NALF1: variants seen among roughly 807,000 people sequenced by gnomAD.
The protein encoded by NALF1 is NALCN channel auxiliary factor 1, also known as family with sequence similarity 155 member A.
Under a neutral mutation model 48.4 loss-of-function variants are expected in NALF1, and 3 were observed. That is an observed-to-expected ratio of 0.06 (90% CI 0.03 to 0.16). The LOEUF is 0.16. NALF1 is among the 10% of genes least tolerant of loss of function. The pLI is 1.00. For missense variants in NALF1, 526 were observed against 571.5 expected (o/e 0.92, Z 0.81); for synonymous variants, 262 against 245.7 (o/e 1.07, Z -0.62).
intron 1 of NALF1, among the ~76,000 whole-genome samples, chr13:107,779,802 C>A (rs1268371837): frequency 6.6e-6 from 1 of 152,134 alleles, no homozygotes; most frequent in Admixed American, 6.5e-5. Context: ...GTTCTAAAAC[C>A]TCAGGAAACA....
intron 2 of NALF1, among the ~76,000 whole-genome samples, chr13:107,201,917 G>A (rs1335450220): frequency 6.6e-6 from 1 of 152,088 alleles, no homozygotes; most frequent in Non-Finnish European, 1.5e-5. Context: ...TTTCGGTGGC[G>A]AGGTCGGCAT....
At chr13:107,710,090 G>T (rs1444550652) in intron 1 of NALF1, among the ~76,000 whole-genome samples, 3 of 150,624 alleles carry the variant, frequency 2.0e-5, no homozygotes, top group African/African-American at 4.9e-5. Context: ...GATCCAGCCT[G>T]GGCAAAAGAG....
At chr13:107,384,123 C>A (rs996969102) in intron 1 of NALF1, among the ~76,000 whole-genome samples, 1 of 152,040 alleles carries the variant, frequency 6.6e-6, no homozygotes, top group Non-Finnish European at 1.5e-5. Flanking sequence ...CATGGTGGCT[C>A]ATGCCTGTGG....
At chr13:107,451,233 T>A (rs1289378660) in intron 1 of NALF1, among the ~76,000 whole-genome samples, 1 of 151,626 alleles carries the variant, frequency 6.6e-6, no homozygotes, top group Non-Finnish European at 1.5e-5. Flanking sequence ...AGATGCCAGA[T>A]AGAAAGACCC....
intron 1 of NALF1, among the ~76,000 whole-genome samples, chr13:107,526,983 C>G (rs1021639119): frequency 1.3e-5 from 2 of 152,108 alleles, no homozygotes; most frequent in African/African-American, 4.8e-5. Context: ...GGCTGAAGAA[C>G]CATGAAGTCT....
chr13:107,189,141 A>C (rs1208831202), intron 2 of NALF1, among the ~76,000 whole-genome samples: 2 of 152,242 alleles, frequency 1.3e-5, no homozygotes, highest in Non-Finnish European at 2.9e-5. Context: ...TTGAGGAATA[A>C]ATTGGGCATT....
At chr13:107,688,076 A>G (rs1881480195) in intron 1 of NALF1, among the ~76,000 whole-genome samples, 1 of 152,260 alleles carries the variant, frequency 6.6e-6, no homozygotes. Context: ...TAATTATAAT[A>G]GTGACTAACA....
chr13:107,428,078 G>C (rs918463734), intron 1 of NALF1, among the ~76,000 whole-genome samples: 1 of 152,178 alleles, frequency 6.6e-6, no homozygotes, highest in Non-Finnish European at 1.5e-5. Context: ...TCTTCGAAAA[G>C]AGGGAGGATG....
At chr13:107,503,710 C>T (rs1273934752) in intron 1 of NALF1, among the ~76,000 whole-genome samples, 2 of 149,404 alleles carry the variant, frequency 1.3e-5, no homozygotes, top group African/African-American at 4.9e-5. Flanking sequence ...AATGTCCATC[C>T]GTGGGCAAAT....
intron 1 of NALF1, among the ~76,000 whole-genome samples, chr13:107,295,738 T>C (rs1300434404): frequency 1.3e-5 from 2 of 152,220 alleles, no homozygotes; most frequent in Non-Finnish European, 2.9e-5. Context: ...CTTTGGTTTT[T>C]GAACTAAAGT....
At chr13:107,725,973 T>G (rs939673180) in intron 1 of NALF1, among the ~76,000 whole-genome samples, 1 of 152,038 alleles carries the variant, frequency 6.6e-6, no homozygotes, top group Non-Finnish European at 1.5e-5. Flanking sequence ...GACAATTGAG[T>G]AGACATTTTT....
At position 107,304,813 on chromosome 13, in the gene NALF1, A is replaced by C. The variant is rs769007423; in HGVS notation, c.916-94058T>G. On this transcript the variant is annotated intron_variant, in intron 1 of 2. Transcript: ENST00000375915. ...GGGGCTTTGCCACCTTGGTAGCTCT[A>C]TGCAAATGTTATGTATTATTTACCA... 7.2e-5 allele frequency among the ~76,000 whole-genome samples: 11 copies of C among 152,356 alleles called. No homozygotes were observed. The East Asian group carries it at 2.1e-3, about 29-fold the overall frequency.
At chr13:107,566,027 G>A (rs1304283579) in intron 1 of NALF1, among the ~76,000 whole-genome samples, 2 of 152,120 alleles carry the variant, frequency 1.3e-5, no homozygotes, top group African/African-American at 2.4e-5. Context: ...TCAAGATGGG[G>A]TAAAACAATA....
intron 1 of NALF1, among the ~76,000 whole-genome samples, chr13:107,484,466 A>G (rs2139063759): frequency 6.6e-6 from 1 of 152,268 alleles, no homozygotes; most frequent in South Asian, 2.1e-4. Context: ...GGAAGAATAT[A>G]TGCTCTGAAG....
chr13:107,385,269 C>T (rs1883507799), intron 1 of NALF1, among the ~76,000 whole-genome samples: 1 of 151,998 alleles, frequency 6.6e-6, no homozygotes, highest in Non-Finnish European at 1.5e-5. Context: ...AAAAGCGTAT[C>T]TGGCAGGGCG....
At chr13:107,601,922 A>G (rs1878941621) in intron 1 of NALF1, among the ~76,000 whole-genome samples, 2 of 151,728 alleles carry the variant, frequency 1.3e-5, no homozygotes, top group Admixed American at 6.6e-5. Context: ...TTTTCCTTCT[A>G]TTTCTCTCTC....
In NALF1 at chr13:107,319,759, C is replaced by A. The variant is rs935163065; in HGVS notation, c.916-109004G>T. On this transcript the variant is annotated intron_variant, in intron 1 of 2. Coordinates refer to ENST00000375915, the MANE Select transcript of NALF1 (RefSeq NM_001080396.3). The stretch of plus-strand genomic sequence containing the variant: ...TAAATGGTGGGCTCAGAATTACAAA[C>A]CAAGGCAGTTGAACACCACTGCCTG... 3.5e-4 allele frequency among the ~76,000 whole-genome samples: 53 copies of A among 152,040 alleles called. 1 individual carries two copies. The highest frequency in any genetic ancestry group is 1.2e-3 in the African/African-American group (48 of 41,428).
At chr13:107,854,868 C>CAAAAAA (rs35071894) in intron 1 of NALF1, among the ~76,000 whole-genome samples, 1 of 81,950 alleles carries the variant, frequency 1.2e-5, no homozygotes, top group African/African-American at 5.2e-5. Flanking sequence ...GGTTCCATCT[C>CAAAAAA]AAAAAAAAAA....
rs542928180 is a variant in NALF1, at chr13:107,335,786, T to C, written c.916-125031A>G. Reference sequence around the variant, plus strand: ...TACCTCCACCTACCTTTTCAGTCGATTCTATCCCACGATTCAACTCTAGAA... The same window carrying C: ...TACCTCCACCTACCTTTTCAGTCGACTCTATCCCACGATTCAACTCTAGAA... On this transcript the variant is annotated intron_variant, in intron 1 of 2. Coordinates refer to ENST00000375915, the MANE Select transcript of NALF1 (RefSeq NM_001080396.3). Among the ~76,000 whole-genome samples the C allele has an allele frequency of 3.9e-5, 6 of 152,372 alleles. No homozygotes were observed. In the South Asian group the frequency reaches 1.2e-3, roughly 32 times the overall value.
Sources: gnomAD v4.1 joint callset for allele counts (sites outside exome capture counted in the v4.1 genomes callset) on GRCh38, gnomAD v4.1.1 for gene constraint, MANE v1.5 for transcripts, NCBI Gene and HGNC (gene_info 2026-07-23, HGNC 2026-07-21) for gene names.